The following RBFOX1 variants were observed in gnomAD, a reference collection of about 807,000 sequenced individuals.
RBFOX1 encodes the protein RNA binding fox-1 homolog 1, also known as RNA binding protein fox-1 homolog 1.
Under a neutral mutation model 57.7 loss-of-function variants are expected in RBFOX1, and 8 were observed. The observed-to-expected ratio is 0.14, with a 90% CI of 0.08 to 0.25. The LOEUF is 0.25. Ranked by LOEUF, RBFOX1 falls within the 10% of genes least tolerant of loss-of-function variation. The pLI is 1.00. For missense variants in RBFOX1, 611 were observed against 548.5 expected (o/e 1.11, Z -1.14); for synonymous variants, 326 against 222.4 (o/e 1.47, Z -4.15).
At chr16:6,830,316 T>C (rs746684445) in intron 3 of RBFOX1, among the ~76,000 whole-genome samples, 29 of 152,220 alleles carry the variant, frequency 1.9e-4, no homozygotes, top group Admixed American at 1.6e-3. Flanking sequence ...TACAGAACTA[T>C]TATTCCTGGT....
chr16:5,338,585 T>C (rs141994796), intron 1 of RBFOX1, among the ~76,000 whole-genome samples: 5 of 152,316 alleles, frequency 3.3e-5, no homozygotes, highest in East Asian at 3.9e-4. Context: ...ACATTTATTA[T>C]TAAGGAAAGA....
chr16:5,713,850 C>G (rs558994401), intron 3 of RBFOX1, among the ~76,000 whole-genome samples: 1 of 152,272 alleles, frequency 6.6e-6, no homozygotes, highest in East Asian at 1.9e-4. Context: ...TACAAAGACT[C>G]GATCTGCAGT....
chr16:5,362,939 A>G (rs1288469524), intron 1 of RBFOX1, among the ~76,000 whole-genome samples: 1 of 152,038 alleles, frequency 6.6e-6, no homozygotes, highest in Non-Finnish European at 1.5e-5. Context: ...CCATCACTGC[A>G]CATTTAGGTT....
rs1397879853 is a variant in RBFOX1, at chr16:6,530,754, T to TCCC, written c.-63-123847_-63-123845dup. Among the ~76,000 whole-genome samples the TCCC allele has an allele frequency of 1.1e-4, 16 of 150,856 alleles. No individual in the cohort carries two copies. The South Asian group carries it at 2.9e-3, about 28-fold the overall frequency. Reference sequence around the variant, plus strand: ...GAACTCCCTTTTATAAACCGTCCCTTCCCCACCCCCATCTCATGAGACTTA... The same window carrying TCCC: ...GAACTCCCTTTTATAAACCGTCCCTTCCCCCCCACCCCCATCTCATGAGACTTA... On this transcript the variant is annotated intron_variant, in intron 2 of 15. Coordinates refer to ENST00000550418, the MANE Select transcript of RBFOX1 (RefSeq NM_018723.4).
chr16:5,770,778 G>A lies in RBFOX1; in HGVS notation c.319-96525G>A, dbSNP rs565928134. The stretch of plus-strand genomic sequence containing the variant: ...CTAATGTACAATGAACTGGCAGGAT[G>A]TGGGTGGCCTAGAAGAAAATAGCAC... On this transcript the variant is annotated intron_variant, in intron 3 of 19. Transcript: ENST00000641259. Among the ~76,000 whole-genome samples the A allele has an allele frequency of 3.3e-5, 5 of 152,354 alleles. No individual in the cohort carries two copies. In the South Asian group the frequency reaches 1.0e-3, roughly 32 times the overall value.
chr16:7,581,964 G>A (rs922529429), intron 6 of RBFOX1, among the ~76,000 whole-genome samples: 2 of 151,628 alleles, frequency 1.3e-5, no homozygotes, highest in East Asian at 1.9e-4. Flanking sequence ...CAACCCTCCC[G>A]CCTTGGCCTC....
intron 4 of RBFOX1, among the ~76,000 whole-genome samples, chr16:7,250,118 G>C (rs772585278): frequency 5.3e-5 from 8 of 152,030 alleles, no homozygotes; most frequent in Non-Finnish European, 1.2e-4. Flanking sequence ...GGGAAAATCT[G>C]CTTCTTCATG....
chr16:6,976,927 T>TTA (rs201232190), intron 3 of RBFOX1, among the ~76,000 whole-genome samples: 5 of 142,822 alleles, frequency 3.5e-5, no homozygotes, highest in Admixed American at 7.1e-5. Flanking sequence ...ATATTGTATA[T>TTA]TATATATATC....
chr16:6,575,743 G>C (rs890338730), intron 2 of RBFOX1, among the ~76,000 whole-genome samples: 1 of 151,716 alleles, frequency 6.6e-6, no homozygotes, highest in African/African-American at 2.4e-5. Flanking sequence ...TGTAATCCCA[G>C]GTACTCGGGA....
At chr16:6,058,644 A>AC (rs970414216) in intron 1 of RBFOX1, among the ~76,000 whole-genome samples, 4 of 117,852 alleles carry the variant, frequency 3.4e-5, no homozygotes, top group African/African-American at 1.0e-4. Flanking sequence ...CCATCCACCC[A>AC]TCCATCCACC....
At chr16:7,114,116 C>G (rs1467927310) in intron 4 of RBFOX1, among the ~76,000 whole-genome samples, 1 of 152,104 alleles carries the variant, frequency 6.6e-6, no homozygotes, top group Non-Finnish European at 1.5e-5. Context: ...AAAAAAGAAA[C>G]CTGAAACCTC....
chr16:7,177,046 A>T (rs1429233997), intron 4 of RBFOX1, among the ~76,000 whole-genome samples: 1 of 152,198 alleles, frequency 6.6e-6, no homozygotes, highest in Non-Finnish European at 1.5e-5. Context: ...GAACCACCCC[A>T]GGTTGCAAAT....
chr16:6,904,892 A>G (rs1450807593), intron 3 of RBFOX1, among the ~76,000 whole-genome samples: 1 of 152,080 alleles, frequency 6.6e-6, no homozygotes, highest in African/African-American at 2.4e-5. Flanking sequence ...CTTTTCTACA[A>G]ATTCCCCTGT....
chr16:7,501,703 T>C (rs1029252568), intron 4 of RBFOX1, among the ~76,000 whole-genome samples: 1 of 152,270 alleles, frequency 6.6e-6, no homozygotes, highest in Non-Finnish European at 1.5e-5. Context: ...TTTGTCAGTC[T>C]GTATCCTACC....
intron 4 of RBFOX1, among the ~76,000 whole-genome samples, chr16:5,883,940 A>G (rs777382345): frequency 6.6e-6 from 1 of 152,208 alleles, no homozygotes; most frequent in Non-Finnish European, 1.5e-5. Flanking sequence ...AGAAATGAGG[A>G]TAGATGGGTA....
At chr16:6,648,682 C>T (rs1037988531) in intron 2 of RBFOX1, among the ~76,000 whole-genome samples, 1 of 152,138 alleles carries the variant, frequency 6.6e-6, no homozygotes, top group African/African-American at 2.4e-5. Flanking sequence ...GTGCAAACCT[C>T]ATATTTTTCA....
chr16:7,704,478 A>C (rs758328096), intron 14 of RBFOX1, among the ~76,000 whole-genome samples: 7 of 152,206 alleles, frequency 4.6e-5, no homozygotes, highest in Non-Finnish European at 8.8e-5. Context: ...CAGAGTCTTC[A>C]AAAAGCGTAT....
At chr16:5,288,947 A>C (rs1487274465) in intron 1 of RBFOX1, among the ~76,000 whole-genome samples, 2 of 152,092 alleles carry the variant, frequency 1.3e-5, no homozygotes, top group Non-Finnish European at 2.9e-5. Flanking sequence ...CAACATGGTG[A>C]AACCCTGTCT....
At chr16:7,121,214 G>T (rs1018858758) in intron 4 of RBFOX1, among the ~76,000 whole-genome samples, 3 of 151,964 alleles carry the variant, frequency 2.0e-5, no homozygotes, top group Non-Finnish European at 4.4e-5. Context: ...CAAGGGAGGA[G>T]CTCCACTCTC....
Sources: gnomAD v4.1 joint callset for allele counts (sites outside exome capture counted in the v4.1 genomes callset) on GRCh38, gnomAD v4.1.1 for gene constraint, MANE v1.5 for transcripts, NCBI Gene and HGNC (gene_info 2026-07-23, HGNC 2026-07-21) for gene names.